Variants in CEP250 observed in about 807,000 individuals in gnomAD.
The protein encoded by CEP250 is centrosomal protein 250.
Under a neutral mutation model 315.7 loss-of-function variants are expected in CEP250, and 242 were observed. The ratio of observed to expected loss-of-function variants is 0.77; its 90% CI spans 0.69 to 0.85. The LOEUF is 0.85. Among genes scored for constraint, CEP250 ranks in the 40% least tolerant of loss-of-function variants. CEP250 has a pLI of 0.00. For synonymous variants in CEP250, 1,088 were observed against 1,175.0 expected, an observed-to-expected ratio of 0.93 and a Z score of 1.51; for missense variants, 2,515 against 2,886.4, an observed-to-expected ratio of 0.87 and a Z score of 2.95.
intron 9 of CEP250, among the ~76,000 whole-genome samples, chr20:35,469,502 A>G (rs965897369): frequency 6.6e-6 from 1 of 152,070 alleles, no homozygotes; most frequent in African/African-American, 2.4e-5. Flanking sequence ...CAGAGTCAGA[A>G]CCTCGGGCTG....
rs553251528 is a variant in CEP250 at position 35,516,478 on chromosome 20, G to A, written c.*4852G>A. On this transcript the variant is annotated 3_prime_UTR_variant, in exon 35 of 35. Coordinates refer to ENST00000397527, the MANE Select transcript of CEP250 (RefSeq NM_007186.6). ...CTTCTGCTGTTGTATGTGGTTTGAT[G>A]ATTCATGCTGGAGCCTTTGGCTATA... The A allele has an allele frequency of 2.0e-5, 3 of 152,250 alleles. No homozygotes were observed. Among genetic ancestry groups the A allele is most frequent in the Non-Finnish European group, 2.9e-5 (2 of 68,072 alleles). The allele number at this position is 152,250 out of a possible 1,614,324, so 9.4% of individuals were successfully genotyped here. A position where few individuals can be genotyped will look rare whatever the true frequency, so the allele number is the denominator to read the frequency against.
intron 20 of CEP250, among the ~76,000 whole-genome samples, chr20:35,488,434 G>T (rs2063582528): frequency 6.6e-6 from 1 of 152,092 alleles, no homozygotes; most frequent in Non-Finnish European, 1.5e-5. Context: ...AACAAAGGAA[G>T]ACCTCTTTTT....
Position 35,517,010 on chromosome 20 carries a change from A to G in CEP250, c.*5384A>G. 1.0e-6 allele frequency: 1 copy of G among 985,466 alleles called. No homozygotes were observed. Among genetic ancestry groups the G allele is most frequent in the Non-Finnish European group, 1.2e-6 (1 of 829,988 alleles). The allele number at this position is 985,466 out of a possible 1,614,324, so 61.0% of individuals were successfully genotyped here. A position where few individuals can be genotyped will look rare whatever the true frequency, so the allele number is the denominator to read the frequency against. ...AGAGCACATGGCAAGTGGCATGCTGACTCAGACACCGGGCACTGAGAAAAG... is the reference window on the plus strand; with the variant it reads ...AGAGCACATGGCAAGTGGCATGCTGGCTCAGACACCGGGCACTGAGAAAAG... On this transcript the variant is annotated 3_prime_UTR_variant, in exon 35 of 35. Transcript: ENST00000397527.
intron 25 of CEP250, 140 bp downstream of exon 25, chr20:35,496,855 C>G: frequency 1.1e-6 from 1 of 891,452 alleles, no homozygotes; most frequent in Non-Finnish European, 1.6e-6. Flanking sequence ...GCCTCAACAC[C>G]CCTACAGGAG....
chr20:35,473,948 G>GCCC lies in CEP250; in HGVS notation c.1468_1469insCCC (p.Leu489_Arg490insPro). On this transcript the variant is annotated inframe_insertion, in exon 14 of 35. Transcript: ENST00000397527. ...TGCTAGAGCAGGAGGCATGGCGCCT[G>GCCC]CGAAGGGTAAATGTGGAGCTTCAGC... 6.2e-7 allele frequency: 1 copy of GCCC among 1,612,166 alleles called. No homozygotes were observed. The highest frequency in any genetic ancestry group is 8.5e-7 in the Non-Finnish European group (1 of 1,179,440).
chr20:35,480,480 T>A (rs1204008986), intron 20 of CEP250, among the ~76,000 whole-genome samples: 2 of 152,138 alleles, frequency 1.3e-5, no homozygotes, highest in East Asian at 3.8e-4. Context: ...AGTTCAGAAC[T>A]GTGTTTTGTC....
At position 35,503,386 on chromosome 20, in the gene CEP250, C is replaced by T; in HGVS notation, c.5017C>T (p.Gln1673Ter). The stretch of plus-strand genomic sequence containing the variant: ...GGAGAGGATTCAGGTTCTCGAGGAT[C>T]AGAGGACCCGGCAGACCAAGATCCT... ...QKERIQVLED[Q>*]RTRQTKILEE... Residue 1673 changes from glutamine to a stop codon, truncating the protein, a stop_gained, in exon 30 of 35, where the codon CAG becomes TAG. Transcript: ENST00000397527. LOFTEE classifies it high-confidence loss of function. The surrounding 1 kb of genome is among the most constrained non-coding windows in gnomAD (Gnocchi z 4.2). 6.2e-7 allele frequency: 1 copy of T among 1,614,144 alleles called. No homozygotes were observed. The highest frequency in any genetic ancestry group is 1.1e-5 in the South Asian group (1 of 91,080).
In CEP250 at chr20:35,474,036, C is replaced by T. The variant is rs369614541; in HGVS notation, c.1555C>T (p.Arg519Trp). 1.8e-5 allele frequency: 28 copies of T among 1,572,500 alleles called. No homozygotes were observed. The East Asian group carries it at 1.8e-4, about 10-fold the overall frequency. Residue 519 changes from arginine (R) to tryptophan (W), a missense_variant, in exon 14 of 35, where the codon CGG becomes TGG. Coordinates refer to ENST00000397527, the MANE Select transcript of CEP250 (RefSeq NM_007186.6). ...EQQEELHLAV[R>W]ERERLQEMLM... is the part of the protein sequence containing the mutation. ...GCAGGAGGAGCTGCACCTGGCTGTC[C>T]GGGAGAGGGAGCGTCTGTAAGTGAG...
At chr20:35,462,705 G>A (rs2062783655) in intron 4 of CEP250, 152 bp downstream of exon 4, 1 of 610,948 alleles carries the variant, frequency 1.6e-6, no homozygotes, top group Middle Eastern at 4.4e-4. Context: ...TAGCTTTCAT[G>A]TACAGCTTCT....
At chr20:35,470,062 A>G (rs759006682) in intron 10 of CEP250, 76 bp downstream of exon 10, 1 of 916,346 alleles carries the variant, frequency 1.1e-6, no homozygotes, top group Non-Finnish European at 1.8e-6. Flanking sequence ...CAGATAGTGC[A>G]GGATACCAGT....
At position 35,465,776 on chromosome 20, in the gene CEP250, G is replaced by A. The variant is rs374590661; in HGVS notation, c.277G>A (p.Glu93Lys). The change falls in exon 6 of 35, where the codon GAG becomes AAG. Residue 93 changes from glutamate to lysine, a missense_variant. Glu to Lys is a moderately conservative substitution (Grantham distance 56). Transcript: ENST00000397527. ...PIPQRWENVE[E>K]PNLDELLVRL... ...CCCCCAGAGGTGGGAAAATGTGGAG[G>A]AGCCAAACCTGGATGAGCTGCTGGT... 6.2e-6 allele frequency: 10 copies of A among 1,609,376 alleles called. No individual in the cohort carries two copies. The highest frequency in any genetic ancestry group is 8.5e-6 in the Non-Finnish European group (10 of 1,178,338).
chr20:35,491,959 T>C (rs2063710609), intron 22 of CEP250, among the ~76,000 whole-genome samples: 1 of 147,512 alleles, frequency 6.8e-6, no homozygotes, highest in Non-Finnish European at 1.5e-5. Flanking sequence ...TTGCCCCTGC[T>C]CTCAAGGAAC....
rs188442538 is a variant in CEP250, at chr20:35,465,629, C to G, written c.244-114C>G. Reference sequence around the variant, plus strand: ...ATTGAGAATAGAAGCATATTGCTAACAAAGGGGAGAAAGAATAAAAAGAAA... The same window carrying G: ...ATTGAGAATAGAAGCATATTGCTAAGAAAGGGGAGAAAGAATAAAAAGAAA... On this transcript the variant is annotated intron_variant, in intron 5 of 34. Transcript: ENST00000397527. The G allele has an allele frequency of 2.0e-5, 14 of 703,584 alleles. No homozygotes were observed. In the East Asian group the frequency reaches 4.0e-4, roughly 20 times the overall value. The allele number at this position is 703,584 out of a possible 1,614,324, so 43.6% of individuals were successfully genotyped here. A position where few individuals can be genotyped will look rare whatever the true frequency, so the allele number is the denominator to read the frequency against.
Position 35,493,452 on chromosome 20 carries a change from C to A in CEP250, c.2913C>A (p.Thr971=). 1 of 1,607,242 alleles carries A rather than the reference C, an allele frequency of 6.2e-7. No individual in the cohort carries two copies. Among genetic ancestry groups the A allele is most frequent in the South Asian group, 1.1e-5 (1 of 89,824 alleles). The change falls in exon 23 of 35, where the codon ACC becomes ACA. Residue 971 remains threonine (T), a synonymous_variant. Coordinates refer to ENST00000397527, the MANE Select transcript of CEP250 (RefSeq NM_007186.6). ...KEQETTGILQ[T]QLQEAQRELK... is the part of the protein sequence containing the mutation. ...AGGAGACCACTGGGATACTACAGAC[C>A]CAGCTCCAGGAGGCTCAACGGGAGC...
intron 19 of CEP250, 24 bp downstream of exon 19, chr20:35,479,797 T>C (rs1180564325): frequency 6.2e-7 from 1 of 1,614,060 alleles, no homozygotes; most frequent in Admixed American, 1.7e-5. Flanking sequence ...TGGGATGGGA[T>C]GCACTCCATT....
At position 35,517,089 on chromosome 20, in the gene CEP250, C is replaced by A; in HGVS notation, c.*5463C>A. ...TCCCCTCTCCTGTTGGCCTCCATCC[C>A]TTCCTCAACCGTCCGCAGAACACCT... On this transcript the variant is annotated 3_prime_UTR_variant, in exon 35 of 35. Transcript: ENST00000397527. The A allele has an allele frequency of 1.1e-6, 1 of 913,040 alleles. No homozygotes were observed. Among genetic ancestry groups the A allele is most frequent in the Non-Finnish European group, 1.3e-6 (1 of 763,804 alleles). The allele number at this position is 913,040 out of a possible 1,614,324, so 56.6% of individuals were successfully genotyped here. A position where few individuals can be genotyped will look rare whatever the true frequency, so the allele number is the denominator to read the frequency against.
In CEP250 at chr20:35,491,701, G is replaced by A. The variant is rs142980061; in HGVS notation, c.2889+355G>A. Among the ~76,000 whole-genome samples, 377 of 152,172 alleles carry A rather than the reference G, an allele frequency of 2.5e-3. 2 individuals carry two copies. In the Middle Eastern group the frequency reaches 0.027, roughly 11 times the overall value. ...ACAGATCAGTTGAGGTCAGGAGTTC[G>A]AGACTAGCCTGGCCAACATGGTGAA... On this transcript the variant is annotated intron_variant, in intron 22 of 34. Transcript: ENST00000397527.
chr20:35,507,431 C>T (rs1389841883), intron 30 of CEP250, among the ~76,000 whole-genome samples: 1 of 152,178 alleles, frequency 6.6e-6, no homozygotes, highest in Non-Finnish European at 1.5e-5. Flanking sequence ...CTCGAGAGTC[C>T]ATGCTGTTCC....
In CEP250 at chr20:35,479,451, G is replaced by A. The variant is rs367881466; in HGVS notation, c.2288+27G>A. 6.0e-5 allele frequency: 96 copies of A among 1,597,046 alleles called. No homozygotes were observed. The African/African-American group carries it at 1.2e-3, about 20-fold the overall frequency. On this transcript the variant is annotated intron_variant, in intron 18 of 34. Coordinates refer to ENST00000397527, the MANE Select transcript of CEP250 (RefSeq NM_007186.6). The stretch of plus-strand genomic sequence containing the variant: ...TAGGGCCCAGACTCAGTTCAGCCAA[G>A]CACAGAGAGAGCTTTGCAAGGCAAA...
Sources: gnomAD v4.1 joint callset for allele counts (sites outside exome capture counted in the v4.1 genomes callset) on GRCh38, gnomAD v4.1.1 for gene constraint, Gnocchi (gnomAD v3.1) non-coding constraint, MANE v1.5 for transcripts, NCBI Gene and HGNC (gene_info 2026-07-23, HGNC 2026-07-21) for gene names.